Variants in PLCE1 observed in about 807,000 individuals in gnomAD.
PLCE1 encodes phospholipase C epsilon 1, also known as 1-phosphatidylinositol 4,5-bisphosphate phosphodiesterase epsilon-1.
A neutral mutation model predicts 242.8 loss-of-function variants in PLCE1; 119 were observed. The ratio of observed to expected loss-of-function variants is 0.49; its 90% confidence interval spans 0.42 to 0.57. The LOEUF (loss-of-function observed/expected upper bound fraction) is 0.57. Among genes scored for constraint, PLCE1 ranks in the 20% least tolerant of loss-of-function variants. The probability of loss-of-function intolerance (pLI) is 0.00; values close to 1 mark genes in which losing one functional copy is unlikely to be tolerated. For synonymous variants in PLCE1, 945 were observed against 1,017.4 expected, an observed-to-expected ratio of 0.93 and a Z score of 1.35; for missense variants, 2,441 against 2,788.8, an observed-to-expected ratio of 0.88 and a Z score of 2.81.
At chr10:94,242,572 T>C (rs1303813569) in intron 7 of PLCE1, among the ~76,000 whole-genome samples, 3 of 152,144 alleles carry the variant, frequency 2.0e-5, no homozygotes, top group Admixed American at 6.5e-5. Context: ...TGGTCTCCCA[T>C]AGTGCTGGGA....
chr10:94,093,534 CA>C (rs2045161183), intron 2 of PLCE1, among the ~76,000 whole-genome samples: 1 of 152,226 alleles, frequency 6.6e-6, no homozygotes, highest in South Asian at 2.1e-4. Flanking sequence ...CAGAAACAGA[CA>C]GTCAGTGTCC....
At chr10:94,146,243 G>A (rs575719163) in intron 3 of PLCE1, among the ~76,000 whole-genome samples, 2 of 152,268 alleles carry the variant, frequency 1.3e-5, no homozygotes, top group Admixed American at 6.5e-5. Flanking sequence ...AGGGCCAGAA[G>A]CCAGCATGGG....
chr10:94,174,102 T>C (rs1337890340), intron 4 of PLCE1, among the ~76,000 whole-genome samples: 1 of 152,244 alleles, frequency 6.6e-6, no homozygotes, highest in Non-Finnish European at 1.5e-5. Context: ...TGCTCTGGAC[T>C]GGACATTTTC....
intron 7 of PLCE1, among the ~76,000 whole-genome samples, chr10:94,238,146 C>G (rs779470233): frequency 1.3e-5 from 2 of 152,200 alleles, no homozygotes; most frequent in Non-Finnish European, 2.9e-5. Context: ...TTTTGCTGGG[C>G]CCGGTGGCTT....
chr10:94,278,411 C>G (rs1288596468), intron 19 of PLCE1, among the ~76,000 whole-genome samples: 1 of 152,138 alleles, frequency 6.6e-6, no homozygotes, highest in African/African-American at 2.4e-5. Context: ...GAAATGGCAA[C>G]TTTTTCATTA....
At chr10:94,275,741 C>T (rs2051927053) in intron 19 of PLCE1, among the ~76,000 whole-genome samples, 2 of 151,884 alleles carry the variant, frequency 1.3e-5, no homozygotes, top group South Asian at 4.2e-4. Flanking sequence ...GAGGCTGAGG[C>T]AGGAGGATCA....
At chr10:94,127,921 A>T (rs2046480440) in intron 2 of PLCE1, among the ~76,000 whole-genome samples, 1 of 150,576 alleles carries the variant, frequency 6.6e-6, no homozygotes, top group Non-Finnish European at 1.5e-5. Context: ...CACACTCTAC[A>T]TGTGGGCTTT....
intron 24 of PLCE1, among the ~76,000 whole-genome samples, chr10:94,303,891 G>A (rs1262085353): frequency 6.6e-6 from 1 of 151,994 alleles, no homozygotes; most frequent in Admixed American, 6.6e-5. Flanking sequence ...ATACAGTATG[G>A]CAACCATTTA....
At chr10:94,250,237 C>A (rs534866706) in intron 8 of PLCE1, among the ~76,000 whole-genome samples, 3 of 151,894 alleles carry the variant, frequency 2.0e-5, no homozygotes, top group Non-Finnish European at 4.4e-5. Flanking sequence ...TGCGGTGGCT[C>A]AGAGCTGTAA....
At chr10:94,283,490 T>C (rs369024775) in intron 20 of PLCE1, 6 of 345,150 alleles carry the variant, frequency 1.7e-5, no homozygotes, top group East Asian at 1.5e-4. Context: ...CAATCATCTG[T>C]ATGAAAATTG....
At chr10:94,304,369 C>T in intron 24 of PLCE1, 113 bp from the exon 25 acceptor site, 1 of 952,150 alleles carries the variant, frequency 1.1e-6, no homozygotes, top group Non-Finnish European at 1.7e-6. Context: ...CTTTTTCATG[C>T]TGGAGCTTAG....
At chr10:94,013,369 CA>C (rs1226106862) in intron 1 of PLCE1, among the ~76,000 whole-genome samples, 7 of 152,152 alleles carry the variant, frequency 4.6e-5, no homozygotes, top group Admixed American at 4.6e-4. Flanking sequence ...GTAAGGCACT[CA>C]GGGTTTTGTG....
At chr10:94,118,483 G>C (rs1261732230) in intron 2 of PLCE1, among the ~76,000 whole-genome samples, 1 of 152,162 alleles carries the variant, frequency 6.6e-6, no homozygotes, top group Non-Finnish European at 1.5e-5. Context: ...TTGTGGGAGG[G>C]ACCCAGTGGG....
chr10:94,209,262 C>T (rs2049260193), intron 4 of PLCE1, among the ~76,000 whole-genome samples: 2 of 152,144 alleles, frequency 1.3e-5, no homozygotes, highest in Admixed American at 1.3e-4. Flanking sequence ...TGACAGAAGG[C>T]TGGAGTCTAG....
chr10:94,214,856 A>G (rs2049463943), intron 4 of PLCE1, among the ~76,000 whole-genome samples: 1 of 152,298 alleles, frequency 6.6e-6, no homozygotes, highest in African/African-American at 2.4e-5. Context: ...GTGGCCCTGG[A>G]TGACAACCTT....
chr10:94,198,400 C>G (rs1176758237), intron 4 of PLCE1, among the ~76,000 whole-genome samples: 2 of 152,174 alleles, frequency 1.3e-5, no homozygotes, highest in Non-Finnish European at 2.9e-5. Flanking sequence ...TTGAACCTTT[C>G]TTTTCATCCT....
intron 11 of PLCE1, among the ~76,000 whole-genome samples, chr10:94,258,421 C>T (rs938469308): frequency 2.0e-5 from 3 of 152,136 alleles, no homozygotes; most frequent in African/African-American, 7.2e-5. Context: ...TAGAAAAGAA[C>T]GTGCATTATT....
Position 94,329,776 on chromosome 10 carries a change from C to CAAAAAAAAAAAAAAAAAAA in PLCE1, c.*1850_*1868dup, listed in dbSNP as rs71031569. The CAAAAAAAAAAAAAAAAAAA allele has an allele frequency of 1.1e-4, 4 of 37,948 alleles. 1 individual carries two copies. The highest frequency in any genetic ancestry group is 1.4e-4 in the Non-Finnish European group (3 of 21,878). 2.4% of individuals were successfully genotyped at this position (37,948 alleles called of 1,614,324 possible). On this transcript the variant is annotated 3_prime_UTR_variant, in exon 33 of 33. Transcript: ENST00000371380. ...CTGGTGACAGAGCGAGACTCCGTCT[C>CAAAAAAAAAAAAAAAAAAA]AAAAAAAAAAAAAAAAAAAAAAAAA...
intron 2 of PLCE1, among the ~76,000 whole-genome samples, chr10:94,041,219 A>G (rs546429523): frequency 6.6e-6 from 1 of 151,792 alleles, no homozygotes; most frequent in Non-Finnish European, 1.5e-5. Context: ...TATTTCTCGA[A>G]TGACTCTTTG....
Sources: allele counts gnomAD v4.1 joint callset (sites outside exome capture counted in the v4.1 genomes callset), GRCh38; gene constraint gnomAD v4.1.1; transcripts MANE v1.5; gene names NCBI Gene and HGNC (gene_info 2026-07-23, HGNC 2026-07-21).